Variants in ADAMTSL1 observed in about 807,000 individuals in gnomAD.
The protein encoded by ADAMTSL1 is ADAMTS-like protein 1.
In ADAMTSL1, 126 loss-of-function variants were observed where a neutral mutation model predicts 201.8. The ratio of observed to expected loss-of-function variants is 0.62; its 90% CI spans 0.54 to 0.72. The LOEUF is 0.72. ADAMTSL1 is among the 30% of genes least tolerant of loss of function. The pLI, the probability that ADAMTSL1 is intolerant of heterozygous loss-of-function variation, is 0.00. For synonymous variants in ADAMTSL1, 1,121 were observed against 903.4 expected (o/e 1.24, Z -4.32); for missense variants, 2,679 against 2,277.8 (o/e 1.18, Z -3.59).
chr9:18,013,945 A>G (rs949262246), intron 1 of ADAMTSL1, among the ~76,000 whole-genome samples: 2 of 152,156 alleles, frequency 1.3e-5, no homozygotes, highest in African/African-American at 2.4e-5. Context: ...TAACTATGGT[A>G]AAAGAGAACC....
chr9:18,552,648 T>A (rs1050895501), intron 3 of ADAMTSL1, among the ~76,000 whole-genome samples: 14 of 151,924 alleles, frequency 9.2e-5, no homozygotes, highest in Admixed American at 5.9e-4. Flanking sequence ...TTCTTCTTTG[T>A]TAGGTTAATT....
At chr9:18,291,716 TTCTCTC>T (rs766379106) in intron 2 of ADAMTSL1, among the ~76,000 whole-genome samples, 6,781 of 114,212 alleles carry the variant, frequency 0.059, 256 homozygotes, top group Non-Finnish European at 0.087. Flanking sequence ...CTCTCTCTCT[TTCTCTC>T]TCTCTCTCTC....
chr9:18,556,798 A>G (rs1349059268), intron 3 of ADAMTSL1, among the ~76,000 whole-genome samples: 1 of 152,046 alleles, frequency 6.6e-6, no homozygotes, highest in African/African-American at 2.4e-5. Flanking sequence ...AGCCATTCAT[A>G]TGTCACTTTA....
chr9:18,539,283 G>A (rs1018140734), intron 3 of ADAMTSL1, among the ~76,000 whole-genome samples: 1 of 152,206 alleles, frequency 6.6e-6, no homozygotes, highest in Non-Finnish European at 1.5e-5. Context: ...TAGGCAGCCT[G>A]CCCTTGGGGG....
chr9:18,659,226 C>G (rs1428266490), intron 8 of ADAMTSL1, among the ~76,000 whole-genome samples: 2 of 152,034 alleles, frequency 1.3e-5, no homozygotes, highest in Non-Finnish European at 2.9e-5. Flanking sequence ...AAATGATTAC[C>G]CATAAATTTT....
At chr9:18,879,856 C>G (rs1563882581) in intron 23 of ADAMTSL1, among the ~76,000 whole-genome samples, 1 of 152,178 alleles carries the variant, frequency 6.6e-6, no homozygotes, top group Non-Finnish European at 1.5e-5. Flanking sequence ...TAACATTTTA[C>G]TCACAGTTGA....
intron 1 of ADAMTSL1, among the ~76,000 whole-genome samples, chr9:17,943,680 A>G (rs889016729): frequency 6.6e-6 from 1 of 152,144 alleles, no homozygotes; most frequent in Non-Finnish European, 1.5e-5. Context: ...TGACTTCATG[A>G]ATATGGATTC....
intron 1 of ADAMTSL1, among the ~76,000 whole-genome samples, chr9:18,082,456 T>C (rs1438019023): frequency 6.6e-6 from 1 of 152,076 alleles, no homozygotes; most frequent in African/African-American, 2.4e-5. Context: ...GGATTACAGG[T>C]GCCAACCAGG....
At chr9:18,900,373 T>C (rs1458551850) in intron 26 of ADAMTSL1, among the ~76,000 whole-genome samples, 2 of 152,206 alleles carry the variant, frequency 1.3e-5, no homozygotes, top group African/African-American at 4.8e-5. Flanking sequence ...GTATGGTGAT[T>C]CATCAAAGAT....
At position 18,060,324 on chromosome 9, in the gene ADAMTSL1, T is replaced by C. The variant is rs78222634; in HGVS notation, c.88-103538T>C. Among the ~76,000 whole-genome samples, 1,225 of 152,294 alleles carry C rather than the reference T, an allele frequency of 8.0e-3. 15 individuals carry two copies. Among genetic ancestry groups the C allele is most frequent in the African/African-American group, 0.028 (1,179 of 41,568 alleles). On this transcript the variant is annotated intron_variant, in intron 1 of 29. Coordinates refer to the ADAMTSL1 transcript ENST00000680146. ...ATTTGTGGGGTCACGTGAATGTTTG[T>C]TGCAGGTTTGTTCAGTTATACTGTA... is the stretch of plus-strand genomic sequence containing the variant.
intron 23 of ADAMTSL1, among the ~76,000 whole-genome samples, chr9:18,860,227 T>TG (rs919219217): frequency 1.3e-5 from 2 of 152,354 alleles, no homozygotes; most frequent in African/African-American, 4.8e-5. Context: ...CTGCTTTCTT[T>TG]GGGGGTAAAA....
intron 16 of ADAMTSL1, 44 bp downstream of exon 16, chr9:18,753,552 A>C: frequency 1.3e-6 from 2 of 1,565,866 alleles, no homozygotes; most frequent in South Asian, 2.3e-5. Flanking sequence ...TGTTTGCAAC[A>C]GTGACTCAAA....
chr9:18,197,388 C>T (rs542205682), intron 2 of ADAMTSL1, among the ~76,000 whole-genome samples: 292 of 141,154 alleles, frequency 2.1e-3, no homozygotes, highest in African/African-American at 7.6e-3. Flanking sequence ...TTGAAGAGGT[C>T]CTTCACATCC....
At chr9:18,743,539 G>A (rs1818963399) in intron 15 of ADAMTSL1, among the ~76,000 whole-genome samples, 1 of 152,076 alleles carries the variant, frequency 6.6e-6, no homozygotes. Context: ...TGGCCAAACT[G>A]TTTTCAAGCA....
chr9:18,177,771 A>T (rs1286110607), intron 2 of ADAMTSL1, among the ~76,000 whole-genome samples: 2 of 152,106 alleles, frequency 1.3e-5, no homozygotes, highest in Non-Finnish European at 2.9e-5. Context: ...ACTGGCAAGG[A>T]TTTGGTTACA....
At chr9:18,331,126 C>G (rs1835011640) in intron 2 of ADAMTSL1, among the ~76,000 whole-genome samples, 1 of 152,046 alleles carries the variant, frequency 6.6e-6, no homozygotes, top group Non-Finnish European at 1.5e-5. Context: ...GAGAAGGCAA[C>G]AAAGGTGTAA....
chr9:18,543,183 A>G (rs989287352), intron 3 of ADAMTSL1, among the ~76,000 whole-genome samples: 1 of 152,228 alleles, frequency 6.6e-6, no homozygotes, highest in Non-Finnish European at 1.5e-5. Context: ...CTTACTGTAA[A>G]GCCAAGATGA....
chr9:18,603,388 ATG>A (rs767105971), intron 4 of ADAMTSL1, among the ~76,000 whole-genome samples: 11,717 of 151,940 alleles, frequency 0.077, 902 homozygotes, highest in African/African-American at 0.2. Flanking sequence ...ATGCTATGCT[ATG>A]CTATGCTATG....
intron 2 of ADAMTSL1, among the ~76,000 whole-genome samples, chr9:18,174,594 A>T (rs1241760740): frequency 6.6e-6 from 1 of 152,180 alleles, no homozygotes; most frequent in Non-Finnish European, 1.5e-5. Context: ...AAATTTTCTA[A>T]TATGGATACA....
Sources: gnomAD v4.1 joint callset for allele counts (sites outside exome capture counted in the v4.1 genomes callset) on GRCh38, gnomAD v4.1.1 for gene constraint, MANE v1.5 for transcripts, NCBI Gene and HGNC (gene_info 2026-07-23, HGNC 2026-07-21) for gene names.